CLVS1: variants seen among roughly 807,000 people sequenced by gnomAD.
CLVS1 encodes clavesin-1.
CLVS1 carries 10 observed loss-of-function variants against 33.1 expected under a neutral mutation model. That is an observed-to-expected ratio of 0.30 (90% CI 0.19 to 0.51). The LOEUF is 0.51. Ranked by LOEUF, CLVS1 falls within the 20% of genes least tolerant of loss-of-function variation. CLVS1 has a pLI of 0.97. For synonymous variants in CLVS1, 163 were observed against 166.1 expected, an observed-to-expected ratio of 0.98 and a Z score of 0.14; for missense variants, 343 against 433.4, an observed-to-expected ratio of 0.79 and a Z score of 1.85.
chr8:60,981,342 G>T, the CLVS1 span, among the ~76,000 whole-genome samples: 1 of 152,206 alleles, frequency 6.6e-6, no homozygotes, highest in Admixed American at 6.5e-5. Context: ...AATTTATGTA[G>T]CTTTGAGCAC....
intron 2 of CLVS1, among the ~76,000 whole-genome samples, chr8:61,232,595 A>C (rs1320728508): frequency 6.6e-6 from 1 of 152,220 alleles, no homozygotes; most frequent in Non-Finnish European, 1.5e-5. Flanking sequence ...TCAGATCTGC[A>C]TGTGGTGATG....
At chr8:61,069,296 G>T (rs1773103707) in intron 1 of CLVS1, among the ~76,000 whole-genome samples, 1 of 152,134 alleles carries the variant, frequency 6.6e-6, no homozygotes, top group Admixed American at 6.5e-5. Context: ...TAGGTCATAG[G>T]CCATTCCCAG....
intron 5 of CLVS1, among the ~76,000 whole-genome samples, chr8:61,481,405 C>T (rs907885425): frequency 1.3e-5 from 2 of 152,042 alleles, no homozygotes; most frequent in African/African-American, 2.4e-5. Context: ...GGGGCATCAC[C>T]TCACCCAGGA....
chr8:61,409,828 G>C (rs1815147801), intron 3 of CLVS1, among the ~76,000 whole-genome samples: 2 of 152,154 alleles, frequency 1.3e-5, no homozygotes, highest in African/African-American at 4.8e-5. Flanking sequence ...CAACCTGATA[G>C]ATGAAAAATG....
intron 3 of CLVS1, among the ~76,000 whole-genome samples, chr8:61,410,966 T>C (rs1188340013): frequency 6.6e-6 from 1 of 152,140 alleles, no homozygotes; most frequent in East Asian, 1.9e-4. Flanking sequence ...AAACTGACAT[T>C]TGTGGGCACT....
chr8:61,111,457 A>G (rs1471731962), intron 1 of CLVS1, among the ~76,000 whole-genome samples: 1 of 152,252 alleles, frequency 6.6e-6, no homozygotes, highest in African/African-American at 2.4e-5. Context: ...GATTTGGGAC[A>G]AAATAATTGG....
chr8:61,408,467 A>G (rs1483613911), intron 3 of CLVS1, among the ~76,000 whole-genome samples: 1 of 152,182 alleles, frequency 6.6e-6, no homozygotes, highest in Non-Finnish European at 1.5e-5. Context: ...TTACTACATG[A>G]TGTTAGAATA....
chr8:61,111,988 A>G (rs1805636017), intron 1 of CLVS1, among the ~76,000 whole-genome samples: 2 of 152,160 alleles, frequency 1.3e-5, no homozygotes, highest in Admixed American at 6.5e-5. Flanking sequence ...TCGGTACTGT[A>G]GAATTCTTGT....
intron 1 of CLVS1, among the ~76,000 whole-genome samples, chr8:61,131,052 T>A (rs975716106): frequency 6.6e-6 from 1 of 152,232 alleles, no homozygotes; most frequent in Non-Finnish European, 1.5e-5. Context: ...CTCATCTGCA[T>A]ATCTGGAGAT....
chr8:61,314,616 G>T (rs527286427), intron 2 of CLVS1, among the ~76,000 whole-genome samples: 1 of 152,156 alleles, frequency 6.6e-6, no homozygotes, highest in Non-Finnish European at 1.5e-5. Flanking sequence ...TCTTCATGAC[G>T]CATGGTGACT....
At chr8:61,076,528 AAGTC>A (rs1804913756) in intron 1 of CLVS1, among the ~76,000 whole-genome samples, 2 of 152,218 alleles carry the variant, frequency 1.3e-5, no homozygotes, top group Admixed American at 6.5e-5. Flanking sequence ...GCAGGATCAA[AAGTC>A]AGGCAAAGAC....
chr8:61,017,745 TGA>T, the CLVS1 span, among the ~76,000 whole-genome samples: 1 of 152,170 alleles, frequency 6.6e-6, no homozygotes, highest in Admixed American at 6.5e-5. Flanking sequence ...GCACTGGCTG[TGA>T]GAGAGGGTGA....
At chr8:61,362,412 A>G (rs1171581355) in intron 2 of CLVS1, among the ~76,000 whole-genome samples, 3 of 152,188 alleles carry the variant, frequency 2.0e-5, no homozygotes, top group African/African-American at 7.2e-5. Context: ...CACTGGACCT[A>G]GGAGTCGGGA....
At chr8:61,135,375 T>G (rs1806174884) in intron 2 of CLVS1, among the ~76,000 whole-genome samples, 1 of 151,790 alleles carries the variant, frequency 6.6e-6, no homozygotes, top group South Asian at 2.1e-4. Flanking sequence ...CCTGTAGGAG[T>G]TGGTTCAGGG....
At chr8:61,434,426 A>C (rs182140298) in intron 3 of CLVS1, among the ~76,000 whole-genome samples, 1 of 152,342 alleles carries the variant, frequency 6.6e-6, no homozygotes, top group African/African-American at 2.4e-5. Context: ...TTCTGAGCCA[A>C]ATATGAGTGA....
At chr8:61,389,821 G>A (rs1814231014) in intron 3 of CLVS1, among the ~76,000 whole-genome samples, 3 of 152,040 alleles carry the variant, frequency 2.0e-5, no homozygotes, top group South Asian at 4.2e-4. Context: ...GCTATAATAT[G>A]GTATAAAAAT....
At chr8:61,120,978 GC>G in intron 1 of CLVS1, among the ~76,000 whole-genome samples, 1 of 150,126 alleles carries the variant, frequency 6.7e-6, no homozygotes, top group South Asian at 2.1e-4. Context: ...CAGCCTCGCT[GC>G]CGCCTTGTAG....
chr8:61,355,749 T>C (rs1404347514), intron 2 of CLVS1, among the ~76,000 whole-genome samples: 3 of 129,826 alleles, frequency 2.3e-5, no homozygotes, highest in African/African-American at 4.2e-5. Context: ...GAAGTCATCA[T>C]TTTTTATGGC....
intron 4 of CLVS1, among the ~76,000 whole-genome samples, chr8:61,455,820 C>T (rs1390757180): frequency 2.0e-5 from 3 of 152,176 alleles, no homozygotes; most frequent in African/African-American, 7.2e-5. Flanking sequence ...GATTCCCCGC[C>T]ACCTCCCACA....
Sources: gnomAD v4.1 joint callset for allele counts (sites outside exome capture counted in the v4.1 genomes callset) on GRCh38, gnomAD v4.1.1 for gene constraint, MANE v1.5 for transcripts, NCBI Gene and HGNC (gene_info 2026-07-23, HGNC 2026-07-21) for gene names.